PTPRR: variants seen among roughly 807,000 people sequenced by gnomAD.
PTPRR encodes the protein protein tyrosine phosphatase receptor type R.
PTPRR carries 38 observed loss-of-function variants against 77.2 expected under a neutral mutation model. The observed-to-expected ratio is 0.49, with a 90% confidence interval of 0.38 to 0.65. The LOEUF is 0.65. Among genes scored for constraint, PTPRR ranks in the 30% least tolerant of loss-of-function variants. The pLI is 0.00. For synonymous variants in PTPRR, 299 were observed against 283.1 expected (o/e 1.06, Z -0.57); for missense variants, 744 against 799.2 (o/e 0.93, Z 0.83).
chr12:70,649,811 G>A (rs1355341905), intron 13 of PTPRR, among the ~76,000 whole-genome samples: 1 of 152,092 alleles, frequency 6.6e-6, no homozygotes, highest in East Asian at 1.9e-4. Context: ...CTGACCTCAA[G>A]TGATCTGCCT....
In PTPRR at chr12:70,638,217, C is replaced by T. The variant is rs1239406877; in HGVS notation, c.*967G>A. 6.6e-6 allele frequency: 1 copy of T among 152,398 alleles called. No individual in the cohort carries two copies. Among genetic ancestry groups the T allele is most frequent in the East Asian group, 1.9e-4 (1 of 5,186 alleles). 9.4% of individuals were successfully genotyped at this position (152,398 alleles called of 1,614,324 possible). A position where few individuals can be genotyped will look rare whatever the true frequency, so the allele number is the denominator to read the frequency against. On this transcript the variant is annotated 3_prime_UTR_variant, in exon 14 of 14. Coordinates refer to ENST00000283228, the MANE Select transcript of PTPRR (RefSeq NM_002849.4). ...TTGTCTCTTGAAGATTGAAAGCTTT[C>T]AGAAATGTAAGGACATACATGGAAA...
At chr12:70,899,342 T>C (rs1194471216) in intron 1 of PTPRR, among the ~76,000 whole-genome samples, 5 of 151,384 alleles carry the variant, frequency 3.3e-5, no homozygotes, top group African/African-American at 1.2e-4. Context: ...GCAAATTGAA[T>C]GCAGAAATAC....
intron 2 of PTPRR, among the ~76,000 whole-genome samples, chr12:70,803,985 G>T (rs896592165): frequency 1.3e-5 from 2 of 151,972 alleles, no homozygotes; most frequent in Non-Finnish European, 2.9e-5. Flanking sequence ...AAAATTTAAG[G>T]AGATACCTAC....
chr12:70,773,434 T>A (rs746081763), intron 2 of PTPRR, among the ~76,000 whole-genome samples: 1 of 152,148 alleles, frequency 6.6e-6, no homozygotes, highest in Non-Finnish European at 1.5e-5. Context: ...TGTTTTCTTT[T>A]AGGCTCTGAG....
chr12:70,773,880 G>A (rs980121297), intron 2 of PTPRR, among the ~76,000 whole-genome samples: 1 of 152,206 alleles, frequency 6.6e-6, no homozygotes, highest in African/African-American at 2.4e-5. Context: ...AATGCAGAAA[G>A]TAAGACTTGA....
At chr12:70,865,113 G>C (rs951869699) in intron 2 of PTPRR, among the ~76,000 whole-genome samples, 3 of 152,048 alleles carry the variant, frequency 2.0e-5, no homozygotes, top group African/African-American at 7.2e-5. Context: ...GTGCCCGACC[G>C]AGATCTGATG....
At chr12:70,891,878 C>A (rs1463379559) in intron 2 of PTPRR, among the ~76,000 whole-genome samples, 1 of 152,176 alleles carries the variant, frequency 6.6e-6, no homozygotes, top group South Asian at 2.1e-4. Context: ...CACAAATCAA[C>A]TCATTTGATT....
In PTPRR at chr12:70,773,250, C is replaced by T. The variant is rs555141312; in HGVS notation, c.358-8472G>A. On this transcript the variant is annotated intron_variant, in intron 2 of 13. Coordinates refer to ENST00000283228, the MANE Select transcript of PTPRR (RefSeq NM_002849.4). ...CAACAACCTTATTTTCAAATAAGGT[C>T]ACATTCTTAGGTACTGGAAGGCTAG... 2.0e-5 allele frequency among the ~76,000 whole-genome samples: 3 copies of T among 152,190 alleles called. No individual in the cohort carries two copies. In the East Asian group the frequency reaches 5.8e-4, roughly 29 times the overall value.
intron 1 of PTPRR, among the ~76,000 whole-genome samples, chr12:70,919,684 T>G (rs1451471890): frequency 2.4e-4 from 5 of 20,462 alleles, no homozygotes; most frequent in East Asian, 3.4e-3. Flanking sequence ...TTTTTTTTTT[T>G]TTTTTTTTTT....
intron 2 of PTPRR, chr12:70,788,889 C>T (rs1891375651): frequency 3.3e-6 from 5 of 1,503,382 alleles, no homozygotes; most frequent in Non-Finnish European, 3.5e-6. Context: ...ATTTCCTTAC[C>T]ATAGCAAGCA....
intron 8 of PTPRR, among the ~76,000 whole-genome samples, chr12:70,686,664 T>A (rs1592673068): frequency 6.6e-6 from 1 of 152,262 alleles, no homozygotes; most frequent in East Asian, 1.9e-4. Context: ...TTGAGGGCAC[T>A]CAAGCAGCCC....
intron 6 of PTPRR, among the ~76,000 whole-genome samples, chr12:70,720,253 A>G (rs1889197268): frequency 6.6e-6 from 1 of 152,188 alleles, no homozygotes; most frequent in Non-Finnish European, 1.5e-5. Context: ...CTATCTCTGC[A>G]GTAATGTACT....
At chr12:70,820,456 C>T (rs997955457) in intron 2 of PTPRR, among the ~76,000 whole-genome samples, 3 of 152,234 alleles carry the variant, frequency 2.0e-5, no homozygotes, top group African/African-American at 7.2e-5. Flanking sequence ...GCCTCAGCCT[C>T]CCGAGTACTT....
chr12:70,707,932 T>C (rs1888677120), intron 6 of PTPRR, among the ~76,000 whole-genome samples: 2 of 151,804 alleles, frequency 1.3e-5, no homozygotes, highest in South Asian at 4.2e-4. Flanking sequence ...TGCTTCCTAA[T>C]CTATCTACTG....
At chr12:70,665,927 T>C (rs1054356357) in intron 10 of PTPRR, among the ~76,000 whole-genome samples, 1 of 152,188 alleles carries the variant, frequency 6.6e-6, no homozygotes, top group African/African-American at 2.4e-5. Flanking sequence ...CATACTTAGC[T>C]TCATTTGGGT....
intron 2 of PTPRR, among the ~76,000 whole-genome samples, chr12:70,843,815 T>A (rs896204020): frequency 1.8e-5 from 2 of 114,186 alleles, no homozygotes; most frequent in African/African-American, 1.2e-4. Flanking sequence ...AAAATTTTTT[T>A]TTTTTTTTTT....
chr12:70,845,281 A>G (rs1339361961), intron 2 of PTPRR, among the ~76,000 whole-genome samples: 2 of 152,158 alleles, frequency 1.3e-5, no homozygotes, highest in African/African-American at 4.8e-5. Context: ...TCATAAGTAT[A>G]AAAAAGGGAA....
chr12:70,684,773 G>C lies in PTPRR; in HGVS notation c.1290C>G (p.Ser430Arg). Residue 430 changes from serine to arginine, a missense_variant, in exon 9 of 14, where the codon AGC becomes AGG. Around this residue, in one of 3 missense-constraint regions of PTPRR, gnomAD observed 570 missense variants for 573.2 expected, o/e 0.99. Coordinates refer to ENST00000283228, the MANE Select transcript of PTPRR (RefSeq NM_002849.4). Reference sequence around the variant, plus strand: ...CATTTTTTGGTCTTAAACACACTCTGCTGAGGGGATCTAATGAAGAAAACA... The same window carrying C: ...CATTTTTTGGTCTTAAACACACTCTCCTGAGGGGATCTAATGAAGAAAACA... ...RYKTILPNPL[S>R]RVCLRPKNVT... 1.2e-6 allele frequency: 2 copies of C among 1,600,348 alleles called. No homozygotes were observed. Among genetic ancestry groups the C allele is most frequent in the Non-Finnish European group, 1.7e-6 (2 of 1,172,368 alleles).
intron 10 of PTPRR, among the ~76,000 whole-genome samples, chr12:70,666,351 C>T (rs1348129168): frequency 1.3e-5 from 2 of 152,188 alleles, no homozygotes; most frequent in African/African-American, 4.8e-5. Flanking sequence ...TGCAACCTTG[C>T]ATAGTCTTGG....
Sources: allele counts gnomAD v4.1 joint callset (sites outside exome capture counted in the v4.1 genomes callset), GRCh38; gene constraint gnomAD v4.1.1; regional missense constraint gnomAD v4.1.1; transcripts MANE v1.5; gene names NCBI Gene and HGNC (gene_info 2026-07-23, HGNC 2026-07-21).